Variants in CCNE2 observed in about 807,000 individuals in gnomAD.
CCNE2 encodes the protein cyclin E2.
CCNE2 carries 18 observed loss-of-function variants against 56.8 expected under a neutral mutation model. That is an observed-to-expected ratio of 0.32 (90% confidence interval 0.22 to 0.47). The LOEUF (loss-of-function observed/expected upper bound fraction) is 0.47. CCNE2 is among the 20% of genes least tolerant of loss of function. CCNE2 has a pLI of 1.00. For missense variants in CCNE2, 371 were observed against 467.1 expected, an observed-to-expected ratio of 0.79 and a Z score of 1.90; for synonymous variants, 139 against 149.2, an observed-to-expected ratio of 0.93 and a Z score of 0.50.
intron 5 of CCNE2, chr8:94,891,777 G>A: frequency 7.1e-7 from 1 of 1,402,858 alleles, no homozygotes; most frequent in Non-Finnish European, 1.0e-6. Context: ...AGGCCAAGCA[G>A]TGGGACTGGA....
At chr8:94,889,045 G>C (rs80287424) in intron 6 of CCNE2, among the ~76,000 whole-genome samples, 6,517 of 152,146 alleles carry the variant, frequency 0.043, 245 homozygotes, top group African/African-American at 0.1. Context: ...CTATGTGGGT[G>C]GCTGAGACAA....
chr8:94,887,858 G>T, intron 7 of CCNE2, 69 bp downstream of exon 7: 2 of 1,020,882 alleles, frequency 2.0e-6, no homozygotes, highest in South Asian at 1.8e-5. Context: ...GTATTCTTTG[G>T]GATTAATATG....
chr8:94,888,925 G>T (rs1433983077), intron 6 of CCNE2, among the ~76,000 whole-genome samples: 1 of 152,182 alleles, frequency 6.6e-6, no homozygotes, highest in Non-Finnish European at 1.5e-5. Context: ...AAGGCGGGCG[G>T]ATCACTTGAG....
At position 94,894,243 on chromosome 8, in the gene CCNE2, A is replaced by T; in HGVS notation, c.-22T>A. 1 of 1,613,610 alleles carries T rather than the reference A, an allele frequency of 6.2e-7. No homozygotes were observed. Among genetic ancestry groups the T allele is most frequent in the Non-Finnish European group, 8.5e-7 (1 of 1,179,930 alleles). ...ACATTCTCTTCTTTCAGGTGTATAA[A>T]ACCTCTGAAGGGGGGAGAGGAAAAG... On this transcript the variant is annotated 5_prime_UTR_variant, in exon 2 of 12. Coordinates refer to ENST00000308108, the MANE Select transcript of CCNE2 (RefSeq NM_057749.3).
Position 94,888,084 on chromosome 8 carries a change from A to C in CCNE2, c.454-11T>G. On this transcript the variant is annotated splice_polypyrimidine_tract_variant and intron_variant, in intron 6 of 11. Transcript: ENST00000308108. ...GTATACTTCACATACCTAGAGAAGA[A>C]TCCAAACATTTAAATATTATCTTCT... 1 of 1,513,710 alleles carries C rather than the reference A, an allele frequency of 6.6e-7. No individual in the cohort carries two copies. The allele number at this position is 1,513,710 out of a possible 1,614,324, so 93.8% of individuals were successfully genotyped here. A position where few individuals can be genotyped will look rare whatever the true frequency, so the allele number is the denominator to read the frequency against.
At chr8:94,894,740 G>C (rs1817403738) in intron 1 of CCNE2, 1 of 153,042 alleles carries the variant, frequency 6.5e-6, no homozygotes, top group South Asian at 2.0e-4. Context: ...ACGGCCTCCA[G>C]TCTCCTTTCC....
intron 6 of CCNE2, among the ~76,000 whole-genome samples, chr8:94,888,321 T>A (rs1026103343): frequency 6.6e-6 from 1 of 152,214 alleles, no homozygotes; most frequent in Non-Finnish European, 1.5e-5. Context: ...TTAAAAATTA[T>A]CAAAGGATAC....
chr8:94,882,150 T>C lies in CCNE2; in HGVS notation c.1083A>G (p.Thr361=), dbSNP rs749571065. 1.2e-6 allele frequency: 2 copies of C among 1,609,554 alleles called. No homozygotes were observed. The highest frequency in any genetic ancestry group is 2.2e-5 in the East Asian group (1 of 44,774). Residue 361 remains threonine, a synonymous_variant, in exon 11 of 12, where the codon ACA becomes ACG. Transcript: ENST00000308108. ...MEDRHNIQTH[T]NYLAMLEEVN... is the part of the protein sequence containing the mutation. ...AACATACCAGCATAGCCAAATAGTT[T>C]GTATGTGTCTGGATATTATGTCTGT... is the stretch of plus-strand genomic sequence containing the variant.
intron 10 of CCNE2, among the ~76,000 whole-genome samples, chr8:94,882,571 C>T (rs1190808869): frequency 1.3e-5 from 2 of 152,194 alleles, no homozygotes; most frequent in African/African-American, 2.4e-5. Flanking sequence ...AATGTTGATT[C>T]ATTTCAACTG....
chr8:94,881,476 G>A lies in CCNE2; in HGVS notation c.*156C>T. On this transcript the variant is annotated 3_prime_UTR_variant, in exon 12 of 12. Transcript: ENST00000308108. ...GAAATAATTAAATGTATTCTTTAGTGCCAATTGTAAGTTTTAAAATCAGAA... is the reference window on the plus strand; with the variant it reads ...GAAATAATTAAATGTATTCTTTAGTACCAATTGTAAGTTTTAAAATCAGAA... The A allele has an allele frequency of 1.5e-6, 1 of 650,114 alleles. No individual in the cohort carries two copies. 40.3% of individuals were successfully genotyped at this position (650,114 alleles called of 1,614,324 possible). A position where few individuals can be genotyped will look rare whatever the true frequency, so the allele number is the denominator to read the frequency against.
intron 5 of CCNE2, chr8:94,891,965 C>T: frequency 9.8e-7 from 1 of 1,025,276 alleles, no homozygotes; most frequent in Admixed American, 1.7e-5. Context: ...CGGATTAACT[C>T]ACACGTGATC....
At chr8:94,882,040 A>C (rs1816837950) in intron 11 of CCNE2, 92 bp downstream of exon 11, 6 of 1,254,376 alleles carry the variant, frequency 4.8e-6, no homozygotes, top group Non-Finnish European at 6.6e-6. Flanking sequence ...TTTCCCCTGA[A>C]ACTGCCTGAA....
Position 94,881,299 on chromosome 8 carries a change from A to G in CCNE2, c.*333T>C, listed in dbSNP as rs899709229. On this transcript the variant is annotated 3_prime_UTR_variant, in exon 12 of 12. Transcript: ENST00000308108. The stretch of plus-strand genomic sequence containing the variant: ...TATCCAGTCCAAAACTCCAGTGACA[A>G]AATTCCTAGTTTATCAAGATAAACA... 1.4e-5 allele frequency: 5 copies of G among 360,172 alleles called. No homozygotes were observed. Among genetic ancestry groups the G allele is most frequent in the Non-Finnish European group, 2.5e-5 (5 of 202,500 alleles). The allele number at this position is 360,172 out of a possible 1,614,324, so 22.3% of individuals were successfully genotyped here.
intron 9 of CCNE2, among the ~76,000 whole-genome samples, chr8:94,884,215 C>T (rs1360898778): frequency 6.6e-6 from 1 of 152,108 alleles, no homozygotes; most frequent in African/African-American, 2.4e-5. Flanking sequence ...CAAATGTCTT[C>T]CATATGTTAG....
At chr8:94,885,616 T>C (rs1481035732) in intron 7 of CCNE2, 58 bp from the exon 8 acceptor site, 2 of 1,074,522 alleles carry the variant, frequency 1.9e-6, no homozygotes, top group Non-Finnish European at 2.8e-6. Context: ...TTACAAATGT[T>C]CCTCAGTCTA....
chr8:94,887,984 A>G lies in CCNE2; in HGVS notation c.543T>C (p.Asn181=). Residue 181 remains asparagine (N), a synonymous_variant, in exon 7 of 12, where the codon AAT becomes AAC. Transcript: ENST00000308108. ...DRFMLTQKDI[N]KNMLQLIGIT... is the part of the protein sequence containing the mutation. ...TTCCAATGAGTTGAAGCATATTTTTATTTATATCCTTTTGTGTCAACATAA... is the reference window on the plus strand; with the variant it reads ...TTCCAATGAGTTGAAGCATATTTTTGTTTATATCCTTTTGTGTCAACATAA... 6.3e-7 allele frequency: 1 copy of G among 1,597,156 alleles called. No individual in the cohort carries two copies. Among genetic ancestry groups the G allele is most frequent in the Non-Finnish European group, 8.5e-7 (1 of 1,171,402 alleles).
chr8:94,895,018 G>A (rs1264339520), intron 1 of CCNE2, among the ~76,000 whole-genome samples, 159 bp downstream of exon 1: 2 of 152,170 alleles, frequency 1.3e-5, no homozygotes, highest in African/African-American at 2.4e-5. Context: ...CCCCTGCCAA[G>A]GTTCCTGACA....
At position 94,881,006 on chromosome 8, in the gene CCNE2, T is replaced by C. The variant is rs1816788348; in HGVS notation, c.*626A>G. On this transcript the variant is annotated 3_prime_UTR_variant, in exon 12 of 12. Coordinates refer to ENST00000308108, the MANE Select transcript of CCNE2 (RefSeq NM_057749.3). Reference sequence around the variant, plus strand: ...GAACACCATGTTCATCTAAGCCTTATTAGTTAAAAAATGTGTTATGGCAAG... The same window carrying C: ...GAACACCATGTTCATCTAAGCCTTACTAGTTAAAAAATGTGTTATGGCAAG... 5.0e-6 allele frequency: 2 copies of C among 398,732 alleles called. No homozygotes were observed. Among genetic ancestry groups the C allele is most frequent in the Non-Finnish European group, 8.9e-6 (2 of 225,862 alleles). 24.7% of individuals were successfully genotyped at this position (398,732 alleles called of 1,614,324 possible).
chr8:94,886,516 G>A (rs982385251), intron 7 of CCNE2, among the ~76,000 whole-genome samples: 9 of 150,876 alleles, frequency 6.0e-5, no homozygotes, highest in African/African-American at 1.9e-4. Context: ...AGACCAGCGT[G>A]AGCAACAAAG....
Sources: allele counts gnomAD v4.1 joint callset (sites outside exome capture counted in the v4.1 genomes callset), GRCh38; gene constraint gnomAD v4.1.1; transcripts MANE v1.5; gene names NCBI Gene and HGNC (gene_info 2026-07-23, HGNC 2026-07-21).